XPNPEP3: variants seen among roughly 807,000 people sequenced by gnomAD.
The protein encoded by XPNPEP3 is X-prolyl aminopeptidase 3.
XPNPEP3 carries 41 observed loss-of-function variants against 60.0 expected under a neutral mutation model. The observed-to-expected ratio is 0.68, with a 90% CI of 0.53 to 0.89. The LOEUF is 0.89. Among genes scored for constraint, XPNPEP3 ranks in the 40% least tolerant of loss-of-function variants. The pLI, the probability that XPNPEP3 is intolerant of heterozygous loss-of-function variation, is 0.00. For synonymous variants in XPNPEP3, 212 were observed against 223.2 expected (o/e 0.95, Z 0.45); for missense variants, 598 against 638.9 (o/e 0.94, Z 0.69).
intron 7 of XPNPEP3, among the ~76,000 whole-genome samples, chr22:40,915,514 T>G (rs1042789429): frequency 1.7e-4 from 26 of 150,096 alleles, no homozygotes; most frequent in African/African-American, 6.1e-4. Context: ...GATTGGACTC[T>G]GCACTCCAGC....
intron 6 of XPNPEP3, among the ~76,000 whole-genome samples, chr22:40,912,762 C>A (rs1448043566): frequency 6.6e-6 from 1 of 152,022 alleles, no homozygotes; most frequent in East Asian, 1.9e-4. Context: ...CCCAGCTACT[C>A]AGGAGGCTGA....
Position 40,926,238 on chromosome 22 carries a change from T to C in XPNPEP3, c.1358-31T>C, listed in dbSNP as rs536679650. ...CAAACCACCCAGTTACTATCATTCCTGAACAGCATGTTCTTCTTTCTACTT... is the reference window on the plus strand; with the variant it reads ...CAAACCACCCAGTTACTATCATTCCCGAACAGCATGTTCTTCTTTCTACTT... On this transcript the variant is annotated intron_variant, in intron 9 of 9. Coordinates refer to ENST00000357137, the MANE Select transcript of XPNPEP3 (RefSeq NM_022098.4). 6.8e-6 allele frequency: 11 copies of C among 1,614,012 alleles called. No individual in the cohort carries two copies. In the African/African-American group the frequency reaches 1.3e-4, roughly 20 times the overall value.
intron 1 of XPNPEP3, among the ~76,000 whole-genome samples, chr22:40,867,954 A>C (rs1433745557): frequency 6.6e-6 from 1 of 150,490 alleles, no homozygotes; most frequent in Non-Finnish European, 1.5e-5. Flanking sequence ...AAAAAAAAAA[A>C]CCCAACAAAC....
intron 4 of XPNPEP3, among the ~76,000 whole-genome samples, chr22:40,893,167 A>G (rs926723451): frequency 1.4e-4 from 21 of 147,348 alleles, no homozygotes; most frequent in African/African-American, 4.7e-4. Context: ...ATATTATATC[A>G]TAATATAATT....
At chr22:40,864,319 T>C (rs2057966788) in intron 1 of XPNPEP3, among the ~76,000 whole-genome samples, 1 of 152,182 alleles carries the variant, frequency 6.6e-6, no homozygotes, top group South Asian at 2.1e-4. Context: ...TTAGTTTTAG[T>C]GGGGTTTGGC....
chr22:40,875,217 C>T (rs2058023110), intron 2 of XPNPEP3, among the ~76,000 whole-genome samples: 1 of 151,944 alleles, frequency 6.6e-6, no homozygotes, highest in South Asian at 2.1e-4. Flanking sequence ...GCTCTGTCTC[C>T]CAGGCTAAAC....
intron 1 of XPNPEP3, among the ~76,000 whole-genome samples, chr22:40,863,052 A>G (rs2057960084): frequency 6.6e-6 from 1 of 152,230 alleles, no homozygotes; most frequent in African/African-American, 2.4e-5. Context: ...ATAGTGATCT[A>G]ATATGGTAGC....
At chr22:40,862,728 T>C in intron 1 of XPNPEP3, 23 of 985,452 alleles carry the variant, frequency 2.3e-5, no homozygotes, top group Non-Finnish European at 2.8e-5. Flanking sequence ...GGTTTACTGC[T>C]GTAAAACATG....
chr22:40,892,831 C>A (rs2058093267), intron 4 of XPNPEP3, among the ~76,000 whole-genome samples: 2 of 151,890 alleles, frequency 1.3e-5, no homozygotes, highest in Admixed American at 6.6e-5. Flanking sequence ...CAAGTTATAC[C>A]TTGTTATTTA....
At chr22:40,896,453 G>A (rs981465325) in intron 4 of XPNPEP3, among the ~76,000 whole-genome samples, 1 of 152,082 alleles carries the variant, frequency 6.6e-6, no homozygotes, top group Non-Finnish European at 1.5e-5. Flanking sequence ...ATCACTTGAG[G>A]CCAGGAGTTT....
At chr22:40,894,410 A>T (rs1038080223) in intron 4 of XPNPEP3, among the ~76,000 whole-genome samples, 17 of 152,184 alleles carry the variant, frequency 1.1e-4, no homozygotes, top group African/African-American at 4.1e-4. Context: ...TAAAGTGTAC[A>T]ACATATTTTG....
chr22:40,898,228 T>A (rs1472704558), intron 4 of XPNPEP3, among the ~76,000 whole-genome samples: 4 of 24,094 alleles, frequency 1.7e-4, no homozygotes, highest in Admixed American at 9.3e-4. Context: ...TTGACCCATT[T>A]TTTTTTTTTT....
In XPNPEP3 at chr22:40,872,371, A is replaced by G. The variant is rs182388129; in HGVS notation, c.181+3256A>G. On this transcript the variant is annotated intron_variant, in intron 2 of 9. Transcript: ENST00000357137. ...AAAATGTTGGTCAGTCTCTTTGATTACTACCTTGTCTCACACTTGACACTC... is the reference window on the plus strand; with the variant it reads ...AAAATGTTGGTCAGTCTCTTTGATTGCTACCTTGTCTCACACTTGACACTC... 6.6e-5 allele frequency among the ~76,000 whole-genome samples: 10 copies of G among 152,254 alleles called. No individual in the cohort carries two copies. The East Asian group carries it at 9.6e-4, about 15-fold the overall frequency.
intron 7 of XPNPEP3, among the ~76,000 whole-genome samples, chr22:40,920,717 A>T (rs1362670906): frequency 1.3e-5 from 2 of 152,114 alleles, no homozygotes; most frequent in Non-Finnish European, 2.9e-5. Flanking sequence ...CCATTATCCC[A>T]CACCATAAAT....
chr22:40,919,352 C>T (rs900709127), intron 7 of XPNPEP3, among the ~76,000 whole-genome samples: 2 of 152,158 alleles, frequency 1.3e-5, no homozygotes, highest in Non-Finnish European at 2.9e-5. Context: ...GTCATGAGTT[C>T]GAGACCAGTC....
At chr22:40,911,948 G>A (rs2058178686) in intron 6 of XPNPEP3, among the ~76,000 whole-genome samples, 1 of 152,202 alleles carries the variant, frequency 6.6e-6, no homozygotes, top group Non-Finnish European at 1.5e-5. Flanking sequence ...GAGTATCCCA[G>A]AAGTTTTATG....
intron 3 of XPNPEP3, among the ~76,000 whole-genome samples, chr22:40,884,763 C>T (rs560493561): frequency 3.3e-5 from 5 of 151,856 alleles, no homozygotes; most frequent in Non-Finnish European, 5.9e-5. Context: ...CAGTGGCTCA[C>T]GCCTGTAATC....
intron 4 of XPNPEP3, among the ~76,000 whole-genome samples, chr22:40,903,342 T>G (rs757261728): frequency 6.6e-6 from 1 of 152,172 alleles, no homozygotes; most frequent in East Asian, 1.9e-4. Flanking sequence ...ATATTTCCCC[T>G]CATTTTGGTA....
chr22:40,875,866 A>C (rs1228065500), intron 2 of XPNPEP3, among the ~76,000 whole-genome samples: 2 of 151,738 alleles, frequency 1.3e-5, no homozygotes, highest in East Asian at 3.9e-4. Context: ...AAAAAAAAAA[A>C]AAAATTAGCC....
Sources: allele counts gnomAD v4.1 joint callset (sites outside exome capture counted in the v4.1 genomes callset), GRCh38; gene constraint gnomAD v4.1.1; transcripts MANE v1.5; gene names NCBI Gene and HGNC (gene_info 2026-07-23, HGNC 2026-07-21).